Variants in SLC7A1 observed in about 807,000 individuals in gnomAD.
The protein encoded by SLC7A1 is high affinity cationic amino acid transporter 1.
A neutral mutation model predicts 53.9 loss-of-function variants in SLC7A1; 10 were observed. The ratio of observed to expected loss-of-function variants is 0.19; its 90% CI spans 0.11 to 0.31. The LOEUF (loss-of-function observed/expected upper bound fraction) is 0.31, where lower values mean the gene tolerates loss of function less well. Ranked by LOEUF, SLC7A1 falls within the 10% of genes least tolerant of loss-of-function variation. The pLI is 1.00. For missense variants in SLC7A1, 525 were observed against 827.2 expected, an observed-to-expected ratio of 0.63 and a Z score of 4.48; for synonymous variants, 342 against 338.7, an observed-to-expected ratio of 1.01 and a Z score of -0.11.
At chr13:29,590,383 T>TACACATACAC (rs1566280185) in intron 1 of SLC7A1, among the ~76,000 whole-genome samples, 18 of 152,110 alleles carry the variant, frequency 1.2e-4, no homozygotes, top group African/African-American at 4.3e-4. Context: ...CACACATACA[T>TACACATACAC]ATACACATAC....
At chr13:29,552,924 T>C (rs889331457) in intron 2 of SLC7A1, among the ~76,000 whole-genome samples, 1 of 151,936 alleles carries the variant, frequency 6.6e-6, no homozygotes, top group Non-Finnish European at 1.5e-5. Context: ...CCAAACTACA[T>C]GCTATGCCAA....
chr13:29,516,586 C>A (rs761266458), intron 11 of SLC7A1, among the ~76,000 whole-genome samples: 5 of 152,230 alleles, frequency 3.3e-5, no homozygotes, highest in Non-Finnish European at 7.3e-5. Flanking sequence ...GGTCAACAAC[C>A]TTTTTTATTA....
chr13:29,556,811 G>C (rs111950723), intron 1 of SLC7A1, among the ~76,000 whole-genome samples: 1 of 152,218 alleles, frequency 6.6e-6, no homozygotes, highest in East Asian at 1.9e-4. Flanking sequence ...CTGCTTGTAA[G>C]GTTGCCCAGT....
intron 1 of SLC7A1, among the ~76,000 whole-genome samples, chr13:29,576,214 C>T (rs1242022730): frequency 1.4e-5 from 2 of 147,138 alleles, no homozygotes; most frequent in South Asian, 2.1e-4. Flanking sequence ...ATTGCTTCAA[C>T]CCAGGAGGTC....
chr13:29,523,806 C>T (rs374303174), intron 6 of SLC7A1, among the ~76,000 whole-genome samples: 2 of 152,300 alleles, frequency 1.3e-5, no homozygotes, highest in South Asian at 4.2e-4. Context: ...CTATTCAGTC[C>T]GCCAGGATGA....
chr13:29,574,691 C>T (rs548625195), intron 1 of SLC7A1, among the ~76,000 whole-genome samples: 12 of 139,760 alleles, frequency 8.6e-5, no homozygotes, highest in African/African-American at 3.3e-4. Flanking sequence ...TGTCACCAGG[C>T]TTGAGTGCAG....
intron 3 of SLC7A1, among the ~76,000 whole-genome samples, chr13:29,533,434 T>A (rs1276404688): frequency 1.3e-5 from 2 of 152,178 alleles, no homozygotes; most frequent in Non-Finnish European, 2.9e-5. Context: ...GGAAGCCTCT[T>A]TTCTAGGAAC....
chr13:29,515,097 G>T (rs954751470), intron 12 of SLC7A1, among the ~76,000 whole-genome samples: 1 of 152,226 alleles, frequency 6.6e-6, no homozygotes, highest in Non-Finnish European at 1.5e-5. Flanking sequence ...CTGCACACGG[G>T]ACTCCAGGGT....
chr13:29,523,116 T>C (rs983460293), intron 7 of SLC7A1, 150 bp downstream of exon 7: 8 of 672,644 alleles, frequency 1.2e-5, no homozygotes, highest in Admixed American at 2.4e-5. Context: ...AGCCACATGA[T>C]CAAAGCTGGG....
At chr13:29,566,682 C>T (rs750278614) in intron 1 of SLC7A1, among the ~76,000 whole-genome samples, 5 of 152,104 alleles carry the variant, frequency 3.3e-5, no homozygotes, top group Non-Finnish European at 5.9e-5. Context: ...AGAATTAGGG[C>T]GATGGCTGCA....
chr13:29,583,718 G>C (rs1443989738), intron 1 of SLC7A1, among the ~76,000 whole-genome samples: 1 of 152,106 alleles, frequency 6.6e-6, no homozygotes, highest in Non-Finnish European at 1.5e-5. Context: ...TCAGTAATTA[G>C]GCCTGAATCC....
In SLC7A1 at chr13:29,514,281, G is replaced by C. The variant is rs1332410624; in HGVS notation, c.*199C>G. ...GTGGCCCCGGCCAGGCAGCTGTCTG[G>C]AGGTGACCAGGGCCCGGAGAACCGG... On this transcript the variant is annotated 3_prime_UTR_variant, in exon 13 of 13. Transcript: ENST00000380752. 3.4e-6 allele frequency: 2 copies of C among 588,364 alleles called. No homozygotes were observed. The highest frequency in any genetic ancestry group is 2.8e-5 in the East Asian group (1 of 35,420). The allele number at this position is 588,364 out of a possible 1,614,324, so 36.4% of individuals were successfully genotyped here.
At chr13:29,589,481 C>T (rs915320266) in intron 1 of SLC7A1, among the ~76,000 whole-genome samples, 3 of 152,246 alleles carry the variant, frequency 2.0e-5, no homozygotes, top group Non-Finnish European at 2.9e-5. Flanking sequence ...TCACACACAC[C>T]GGCTCCTGAC....
At chr13:29,550,818 G>A (rs1174330405) in intron 2 of SLC7A1, among the ~76,000 whole-genome samples, 3 of 152,202 alleles carry the variant, frequency 2.0e-5, no homozygotes, top group Non-Finnish European at 4.4e-5. Flanking sequence ...TAAGATGTGT[G>A]TTGTTTTAAG....
chr13:29,586,687 A>C (rs1019022567), intron 1 of SLC7A1: 1 of 152,202 alleles, frequency 6.6e-6, no homozygotes, highest in African/African-American at 2.4e-5. Context: ...TCAGAGCCTT[A>C]AGGAAAAAGA....
rs1214884732 is a variant in SLC7A1, at chr13:29,523,360, T to C, written c.955A>G (p.Asn319Asp). Residue 319 changes from asparagine (N) to aspartate (D), a missense_variant, in exon 7 of 13, where the codon AAT becomes GAT. Coordinates refer to ENST00000380752, the MANE Select transcript of SLC7A1 (RefSeq NM_003045.5). ...AAGGCGTCGGGCAGGGGGCTGTTAT[T>C]GTCCAGGCAGAAGTAGGGCATCATG... ...TLMMPYFCLD[N>D]NSPLPDAFKH... 4 of 1,613,548 alleles carry C rather than the reference T, an allele frequency of 2.5e-6. No homozygotes were observed. Among genetic ancestry groups the C allele is most frequent in the African/African-American group, 2.7e-5 (2 of 74,830 alleles).
intron 2 of SLC7A1, among the ~76,000 whole-genome samples, chr13:29,544,054 G>T (rs188102506): frequency 6.6e-6 from 1 of 152,090 alleles, no homozygotes; most frequent in Non-Finnish European, 1.5e-5. Flanking sequence ...ACATGGGAGC[G>T]CCGGGATCCC....
intron 5 of SLC7A1, among the ~76,000 whole-genome samples, chr13:29,526,067 CAA>C (rs1351521343): frequency 6.6e-6 from 1 of 152,178 alleles, no homozygotes; most frequent in African/African-American, 2.4e-5. Context: ...GAGGGGAACT[CAA>C]GAGTCAAAAT....
intron 1 of SLC7A1, among the ~76,000 whole-genome samples, chr13:29,571,748 G>A (rs531630769): frequency 1.3e-5 from 2 of 152,300 alleles, no homozygotes; most frequent in East Asian, 1.9e-4. Context: ...CTCCTTCCAG[G>A]AGGTCTGGAC....
Sources: gnomAD v4.1 joint callset for allele counts (sites outside exome capture counted in the v4.1 genomes callset) on GRCh38, gnomAD v4.1.1 for gene constraint, MANE v1.5 for transcripts, NCBI Gene and HGNC (gene_info 2026-07-23, HGNC 2026-07-21) for gene names.